SPC24: variants seen among roughly 807,000 people sequenced by gnomAD.
SPC24 encodes the protein kinetochore protein Spc24.
SPC24 carries 31 observed loss-of-function variants against 27.6 expected under a neutral mutation model. The observed-to-expected ratio is 1.12, with a 90% CI of 0.84 to 1.52. The LOEUF (loss-of-function observed/expected upper bound fraction) is 1.52, where lower values mean the gene tolerates loss of function less well. Ranked by LOEUF, SPC24 falls within the 40% of genes most tolerant of loss-of-function variation. The pLI, the probability that SPC24 is intolerant of heterozygous loss-of-function variation, is 0.00. For missense variants in SPC24, 284 were observed against 252.5 expected (o/e 1.12, Z -0.84); for synonymous variants, 105 against 105.8 (o/e 0.99, Z 0.05).
chr19:11,154,117 G>A (rs1032285967), intron 1 of SPC24, among the ~76,000 whole-genome samples: 17 of 152,088 alleles, frequency 1.1e-4, no homozygotes, highest in African/African-American at 4.1e-4. Context: ...TTGGGCACCC[G>A]TGTTCATAGC....
Position 11,147,255 on chromosome 19 carries a change from G to A in SPC24, c.522C>T (p.His174=). The change falls in exon 5 of 5, where the codon CAC becomes CAT. Residue 174 remains histidine (H), a synonymous_variant. Transcript: ENST00000592540. ...TCCTGGAGAGCTGGGTGCTGTCCAG[G>A]TGGATGGGCTGGGCCACACTGGGGC... ...HHGPSVAQPI[H]LDSTQLSRKF... The A allele has an allele frequency of 6.4e-7, 1 of 1,568,042 alleles. No individual in the cohort carries two copies. Among genetic ancestry groups the A allele is most frequent in the Non-Finnish European group, 8.7e-7 (1 of 1,155,702 alleles).
At position 11,146,464 on chromosome 19, in the gene SPC24, G is replaced by GGAAAAAAAAAAAAAAAAAAAAA. The variant is rs1255657612; in HGVS notation, c.*718_*719insTTTTTTTTTTTTTTTTTTTTTC. 9.5e-5 allele frequency: 1 copy of GGAAAAAAAAAAAAAAAAAAAAA among 10,542 alleles called. No homozygotes were observed. The highest frequency in any genetic ancestry group is 3.7e-4 in the Non-Finnish European group (1 of 2,712). 0.7% of individuals were successfully genotyped at this position (10,542 alleles called of 1,614,324 possible). A position where few individuals can be genotyped will look rare whatever the true frequency, so the allele number is the denominator to read the frequency against. ...GAAAATCAGGAGAAAAAGAAATCCA[G>GGAAAAAAAAAAAAAAAAAAAAA]TAAAAAAAAAAAAAAAAAAGGCCAG... On this transcript the variant is annotated 3_prime_UTR_variant, in exon 5 of 5. Coordinates refer to ENST00000592540, the MANE Select transcript of SPC24 (RefSeq NM_182513.4).
Position 11,155,759 on chromosome 19 carries a change from G to A in SPC24, c.18C>T (p.Asp6=), listed in dbSNP as rs758721200. Reference sequence around the variant, plus strand: ...GCAGCCCCTGGCTCACCTCCTCTATGTCGCGGAAGGCGGCCATGACTACGC... The same window carrying A: ...GCAGCCCCTGGCTCACCTCCTCTATATCGCGGAAGGCGGCCATGACTACGC... MAAFR[D]IEEVSQGLLS... is the part of the protein sequence containing the mutation. Residue 6 remains aspartate, a synonymous_variant, in exon 1 of 5, where the codon GAC becomes GAT. Coordinates refer to ENST00000592540, the MANE Select transcript of SPC24 (RefSeq NM_182513.4). The A allele has an allele frequency of 6.5e-7, 1 of 1,549,048 alleles. No homozygotes were observed. Among genetic ancestry groups the A allele is most frequent in the Non-Finnish European group, 8.7e-7 (1 of 1,153,812 alleles).
At position 11,145,747 on chromosome 19, in the gene SPC24, G is replaced by C. The variant is rs1462595425; in HGVS notation, c.*1436C>G. ...ATCACACCCACATTCCAGGAAATAG[G>C]AAGGGGGAAGAAAGGGTGTATTTGT... On this transcript the variant is annotated 3_prime_UTR_variant, in exon 5 of 5. Coordinates refer to ENST00000592540, the MANE Select transcript of SPC24 (RefSeq NM_182513.4). The C allele has an allele frequency of 1.3e-5, 2 of 152,190 alleles. No individual in the cohort carries two copies. The highest frequency in any genetic ancestry group is 2.9e-5 in the Non-Finnish European group (2 of 68,054). The allele number at this position is 152,190 out of a possible 1,614,324, so 9.4% of individuals were successfully genotyped here.
intron 2 of SPC24, 105 bp from the exon 3 acceptor site, chr19:11,148,222 CTTT>C (rs1251039263): frequency 1.1e-5 from 8 of 719,674 alleles, no homozygotes; most frequent in African/African-American, 7.1e-5. Context: ...ACACTCTCTT[CTTT>C]GAGTCAGAGT....
chr19:11,149,315 C>A, intron 1 of SPC24, 77 bp from the exon 2 acceptor site: 2 of 1,337,512 alleles, frequency 1.5e-6, no homozygotes, highest in Middle Eastern at 3.9e-4. Context: ...GTTCCACTTG[C>A]CTCCACTGGC....
chr19:11,149,691 G>A (rs2077855478), intron 1 of SPC24, among the ~76,000 whole-genome samples: 1 of 151,760 alleles, frequency 6.6e-6, no homozygotes, highest in African/African-American at 2.4e-5. Flanking sequence ...GACCAGCCTG[G>A]TCAACATGGT....
chr19:11,150,931 A>G (rs1297369970), intron 1 of SPC24, among the ~76,000 whole-genome samples: 4 of 152,164 alleles, frequency 2.6e-5, no homozygotes, highest in Non-Finnish European at 5.9e-5. Flanking sequence ...TGGGAGGCCG[A>G]GGCAGGTGGA....
At position 11,153,535 on chromosome 19, in the gene SPC24, G is replaced by A. The variant is rs950399202; in HGVS notation, c.160+2082C>T. ...CCAGCACTTTGGGAGACCGAGGCGG[G>A]CGGATCACGAGGTCAAGAGTTTGAG... On this transcript the variant is annotated intron_variant, in intron 1 of 4. Coordinates refer to ENST00000592540, the MANE Select transcript of SPC24 (RefSeq NM_182513.4). Among the ~76,000 whole-genome samples, 6 of 152,170 alleles carry A rather than the reference G, an allele frequency of 3.9e-5. No homozygotes were observed. In the East Asian group the frequency reaches 1.2e-3, roughly 29 times the overall value.
chr19:11,149,013 C>G, intron 2 of SPC24, 81 bp downstream of exon 2: 1 of 1,342,390 alleles, frequency 7.4e-7, no homozygotes, highest in South Asian at 1.7e-5. Context: ...TCCCAAAGTG[C>G]TGGGATTACA....
intron 1 of SPC24, among the ~76,000 whole-genome samples, chr19:11,149,989 C>A (rs1334811480): frequency 6.6e-6 from 1 of 151,560 alleles, no homozygotes; most frequent in Non-Finnish European, 1.5e-5. Context: ...GGATTACAGG[C>A]GTGAGCCACT....
chr19:11,148,006 A>G lies in SPC24; in HGVS notation c.410+7T>C. 6.2e-7 allele frequency: 1 copy of G among 1,613,178 alleles called. No individual in the cohort carries two copies. Among genetic ancestry groups the G allele is most frequent in the East Asian group, 2.2e-5 (1 of 44,860 alleles). On this transcript the variant is annotated splice_region_variant and intron_variant, in intron 3 of 4. Coordinates refer to ENST00000592540, the MANE Select transcript of SPC24 (RefSeq NM_182513.4). ...CACAGGCAGGCACACGTTTTGGCAG[A>G]ACCTACACGGCCGAGGGGATTGTGA...
intron 4 of SPC24, 32 bp from the exon 5 acceptor site, chr19:11,147,321 A>G: frequency 6.9e-7 from 1 of 1,455,214 alleles, no homozygotes; most frequent in East Asian, 2.5e-5. Flanking sequence ...AGCCCGGGAC[A>G]CACAGCCCCT....
intron 2 of SPC24, among the ~76,000 whole-genome samples, chr19:11,148,498 G>A (rs1291153470): frequency 2.0e-5 from 3 of 151,674 alleles, no homozygotes; most frequent in African/African-American, 7.3e-5. Flanking sequence ...GTGAGCCACC[G>A]CGCCTGGTCT....
intron 1 of SPC24, among the ~76,000 whole-genome samples, chr19:11,149,891 T>A (rs886925951): frequency 1.3e-5 from 2 of 151,180 alleles, no homozygotes; most frequent in Non-Finnish European, 2.9e-5. Context: ...TTTGTATTTT[T>A]AGTAGGGACG....
chr19:11,147,927 A>AAG (rs1555812392), intron 3 of SPC24, 33 bp from the exon 4 acceptor site: 1 of 731,226 alleles, frequency 1.4e-6, no homozygotes, highest in African/African-American at 2.0e-5. Context: ...AAAAAAAAAA[A>AAG]AAAGAAAGTT....
chr19:11,155,718 G>T lies in SPC24; in HGVS notation c.59C>A (p.Ala20Asp). 3 of 1,577,094 alleles carry T rather than the reference G, an allele frequency of 1.9e-6. No homozygotes were observed. The highest frequency in any genetic ancestry group is 2.6e-6 in the Non-Finnish European group (3 of 1,169,730). Residue 20 changes from alanine to aspartate, a missense_variant, in exon 1 of 5, where the codon GCC (alanine) becomes GAC (aspartate). Transcript: ENST00000592540. Reference protein sequence around the residue: ...VSQGLLSLLGANRAEAQQRRL... With the variant: ...VSQGLLSLLGDNRAEAQQRRL... ...TCGCTGCTGCGCCTCCGCGCGGTTG[G>T]CGCCCAGCAGGCTGAGCAGCCCCTG...
At chr19:11,154,894 A>C (rs920174904) in intron 1 of SPC24, among the ~76,000 whole-genome samples, 3 of 152,122 alleles carry the variant, frequency 2.0e-5, no homozygotes, top group African/African-American at 7.2e-5. Context: ...AGTTACAGAT[A>C]GTGAAGATGG....
Position 11,146,465 on chromosome 19 carries a change from T to TAAAAAAAAAAAGAAAAAAAAAAAA in SPC24, c.*717_*718insTTTTTTTTTTTTCTTTTTTTTTTT, listed in dbSNP as rs2077823921. ...AAAATCAGGAGAAAAAGAAATCCAG[T>TAAAAAAAAAAAGAAAAAAAAAAAA]AAAAAAAAAAAAAAAAAAGGCCAGG... On this transcript the variant is annotated 3_prime_UTR_variant, in exon 5 of 5. Transcript: ENST00000592540. The TAAAAAAAAAAAGAAAAAAAAAAAA allele has an allele frequency of 2.3e-5, 1 of 43,072 alleles. No individual in the cohort carries two copies. The allele number at this position is 43,072 out of a possible 1,614,324, so 2.7% of individuals were successfully genotyped here.
Sources: gnomAD v4.1 joint callset for allele counts (sites outside exome capture counted in the v4.1 genomes callset) on GRCh38, gnomAD v4.1.1 for gene constraint, MANE v1.5 for transcripts, NCBI Gene and HGNC (gene_info 2026-07-23, HGNC 2026-07-21) for gene names.